TMEM135: variants seen among roughly 807,000 people sequenced by gnomAD.
TMEM135 encodes transmembrane protein 135.
In TMEM135, 30 loss-of-function variants were observed where a neutral mutation model predicts 60.3. The observed-to-expected ratio is 0.50, with a 90% CI of 0.37 to 0.68. The LOEUF is 0.68. TMEM135 is among the 30% of genes least tolerant of loss of function. TMEM135 has a pLI of 0.00. For missense variants in TMEM135, 468 were observed against 548.8 expected, an observed-to-expected ratio of 0.85 and a Z score of 1.47; for synonymous variants, 190 against 186.7, an observed-to-expected ratio of 1.02 and a Z score of -0.14.
intron 5 of TMEM135, among the ~76,000 whole-genome samples, chr11:87,213,977 T>A (rs950797424): frequency 1.3e-5 from 2 of 152,238 alleles, no homozygotes; most frequent in African/African-American, 4.8e-5. Context: ...CTTTGCTTCC[T>A]TTAACATTCC....
At chr11:87,236,760 A>T (rs1941005501) in intron 6 of TMEM135, 76 bp downstream of exon 6, 2 of 1,387,548 alleles carry the variant, frequency 1.4e-6, no homozygotes, top group South Asian at 2.3e-5. Context: ...ACGAAACTAA[A>T]GTATTCTCCA....
intron 5 of TMEM135, among the ~76,000 whole-genome samples, chr11:87,201,889 TATG>T (rs1940101273): frequency 6.6e-6 from 1 of 152,144 alleles, no homozygotes; most frequent in African/African-American, 2.4e-5. Context: ...AAATCTGTCT[TATG>T]ATAAAGATTT....
chr11:87,140,454 C>G (rs10898608), intron 4 of TMEM135, among the ~76,000 whole-genome samples: 20,480 of 152,078 alleles, frequency 0.13, 1,632 homozygotes, highest in African/African-American at 0.21. Context: ...TTTGATTAGG[C>G]ACATTTTATC....
intron 6 of TMEM135, among the ~76,000 whole-genome samples, chr11:87,239,336 TTGGTAAA>T (rs1941079085): frequency 1.3e-5 from 2 of 152,036 alleles, no homozygotes; most frequent in South Asian, 4.1e-4. Flanking sequence ...CAACAGAGGT[TTGGTAAA>T]TGGTAAAATC....
intron 5 of TMEM135, among the ~76,000 whole-genome samples, chr11:87,194,241 G>A (rs778855313): frequency 1.3e-5 from 2 of 151,854 alleles, no homozygotes; most frequent in Non-Finnish European, 1.5e-5. Flanking sequence ...TGCTGGGAAA[G>A]CTGCTGTTTC....
At position 87,071,674 on chromosome 11, in the gene TMEM135, ATT is replaced by A. The variant is rs5793233; in HGVS notation, c.362+71_362+72del. On this transcript the variant is annotated intron_variant, in intron 3 of 14. Transcript: ENST00000305494. ...TTACCTGTCCCCTACCCCAACTATA[ATT>A]TTTTTTTTTTTAATTATCACTTACA... 0.014 allele frequency: 15,275 copies of A among 1,101,946 alleles called. 1,228 individuals carry two copies. In the African/African-American group the frequency reaches 0.19, roughly 14 times the overall value. The allele number at this position is 1,101,946 out of a possible 1,614,324, so 68.3% of individuals were successfully genotyped here. A position where few individuals can be genotyped will look rare whatever the true frequency, so the allele number is the denominator to read the frequency against.
chr11:87,067,922 C>T, intron 2 of TMEM135, 101 bp downstream of exon 2: 1 of 1,435,918 alleles, frequency 7.0e-7, no homozygotes, highest in East Asian at 2.3e-5. Flanking sequence ...CTATCCCCGC[C>T]CCCCCTTTTT....
chr11:87,066,098 G>A (rs1320404155), intron 1 of TMEM135, among the ~76,000 whole-genome samples: 2 of 152,172 alleles, frequency 1.3e-5, no homozygotes, highest in Non-Finnish European at 2.9e-5. Context: ...GATGCCATTA[G>A]ATTTGTTGAT....
chr11:87,054,095 ATAAAT>A (rs1388970558), intron 1 of TMEM135, among the ~76,000 whole-genome samples: 1 of 152,250 alleles, frequency 6.6e-6, no homozygotes, highest in Non-Finnish European at 1.5e-5. Context: ...AATAACTGAA[ATAAAT>A]TAAAGAAGAT....
chr11:87,264,616 T>C (rs902868066), intron 6 of TMEM135, among the ~76,000 whole-genome samples: 1 of 151,932 alleles, frequency 6.6e-6, no homozygotes, highest in African/African-American at 2.4e-5. Context: ...GAAGACTTAT[T>C]TGAATGCAGT....
At chr11:87,084,381 C>G (rs1236649429) in intron 3 of TMEM135, among the ~76,000 whole-genome samples, 1 of 151,576 alleles carries the variant, frequency 6.6e-6, no homozygotes, top group Non-Finnish European at 1.5e-5. Flanking sequence ...AATCATAGCT[C>G]ACTGCAGCCT....
At chr11:87,191,998 T>C in intron 5 of TMEM135, among the ~76,000 whole-genome samples, 1 of 141,438 alleles carries the variant, frequency 7.1e-6, no homozygotes, top group Non-Finnish European at 1.5e-5. Flanking sequence ...TTTTTTTTTT[T>C]TTTTTTTCGA....
At chr11:87,273,225 G>T (rs898888994) in intron 6 of TMEM135, among the ~76,000 whole-genome samples, 6 of 152,014 alleles carry the variant, frequency 3.9e-5, no homozygotes, top group Admixed American at 1.3e-4. Context: ...AGCAATTCTG[G>T]ACAAGACACT....
At chr11:87,320,306 C>T (rs1186408195) in intron 14 of TMEM135, among the ~76,000 whole-genome samples, 7 of 152,248 alleles carry the variant, frequency 4.6e-5, no homozygotes, top group Admixed American at 3.9e-4. Flanking sequence ...GGAACATAAA[C>T]CAGGCAGTCT....
In TMEM135 at chr11:87,323,333, T is replaced by C; in HGVS notation, c.*2000T>C. ...TGTATAGGTTGAGTGAATAACCAAT[T>C]TGCAGTGGTGGATTGAGAAGTCCAG... On this transcript the variant is annotated 3_prime_UTR_variant, in exon 15 of 15. Transcript: ENST00000305494. The C allele has an allele frequency of 4.4e-6, 2 of 453,984 alleles. No homozygotes were observed. The highest frequency in any genetic ancestry group is 3.1e-5 in the South Asian group (2 of 64,474). The allele number at this position is 453,984 out of a possible 1,614,324, so 28.1% of individuals were successfully genotyped here. A position where few individuals can be genotyped will look rare whatever the true frequency, so the allele number is the denominator to read the frequency against.
intron 4 of TMEM135, among the ~76,000 whole-genome samples, chr11:87,142,235 G>A (rs1284661211): frequency 6.6e-6 from 1 of 152,122 alleles, no homozygotes; most frequent in Non-Finnish European, 1.5e-5. Context: ...TGGTAGTGTT[G>A]GTAGGGAGTT....
intron 1 of TMEM135, among the ~76,000 whole-genome samples, chr11:87,067,233 T>TA (rs559916504): frequency 1.5e-4 from 22 of 147,206 alleles, no homozygotes; most frequent in African/African-American, 4.4e-4. Flanking sequence ...TATATATATA[T>TA]TTTTTTTTCT....
chr11:87,253,112 T>C (rs898311989), intron 6 of TMEM135, among the ~76,000 whole-genome samples: 5 of 84,840 alleles, frequency 5.9e-5, no homozygotes, highest in South Asian at 3.8e-4. Flanking sequence ...CTTTCTTTAT[T>C]GGTAGAAAAA....
chr11:87,295,392 A>C (rs1175697493), intron 6 of TMEM135, among the ~76,000 whole-genome samples: 1 of 152,172 alleles, frequency 6.6e-6, no homozygotes, highest in East Asian at 1.9e-4. Flanking sequence ...CAGGACCTTG[A>C]ATTGATCTAT....
Sources: gnomAD v4.1 joint callset for allele counts (sites outside exome capture counted in the v4.1 genomes callset) on GRCh38, gnomAD v4.1.1 for gene constraint, MANE v1.5 for transcripts, NCBI Gene and HGNC (gene_info 2026-07-23, HGNC 2026-07-21) for gene names.